The following EPM2A variants were observed in gnomAD, a reference collection of about 807,000 sequenced individuals.
EPM2A encodes laforin.
EPM2A carries 21 observed loss-of-function variants against 26.5 expected under a neutral mutation model. The ratio of observed to expected loss-of-function variants is 0.79; its 90% CI spans 0.56 to 1.14. The LOEUF is 1.14. Ranked by LOEUF, EPM2A falls within the 50% of genes most tolerant of loss-of-function variation. The pLI, the probability that EPM2A is intolerant of heterozygous loss-of-function variation, is 0.00. For synonymous variants in EPM2A, 217 were observed against 177.6 expected (o/e 1.22, Z -1.76); for missense variants, 458 against 440.8 (o/e 1.04, Z -0.35).
chr6:145,491,056 G>T, intron 4 of EPM2A: 1 of 807,048 alleles, frequency 1.2e-6, no homozygotes, highest in Non-Finnish European at 2.1e-6. Context: ...TCTGCAGATG[G>T]CAATGATTCT....
chr6:145,510,423 T>A (rs182386087), intron 2 of EPM2A, among the ~76,000 whole-genome samples: 329 of 152,092 alleles, frequency 2.2e-3, no homozygotes, highest in Middle Eastern at 6.8e-3. Flanking sequence ...CAAATAGAAA[T>A]CAATACCAGT....
At chr6:145,686,505 C>T (rs959070787) in intron 1 of EPM2A, among the ~76,000 whole-genome samples, 3 of 152,100 alleles carry the variant, frequency 2.0e-5, no homozygotes, top group African/African-American at 7.2e-5. Context: ...GAGTTTTTTA[C>T]TCCCTTTGAG....
At chr6:145,444,448 A>C (rs1399546012) in intron 4 of EPM2A, among the ~76,000 whole-genome samples, 1 of 152,208 alleles carries the variant, frequency 6.6e-6, no homozygotes, top group Non-Finnish European at 1.5e-5. Flanking sequence ...GATAAAGCCT[A>C]CTTGACCATG....
intron 4 of EPM2A, among the ~76,000 whole-genome samples, chr6:145,430,494 G>A (rs1460411244): frequency 2.6e-5 from 4 of 151,724 alleles, no homozygotes; most frequent in East Asian, 3.9e-4. Flanking sequence ...CCAGCTACTC[G>A]GGAGGCTGAA....
At chr6:145,387,154 A>G (rs373755890) in intron 4 of EPM2A, among the ~76,000 whole-genome samples, 31 of 152,304 alleles carry the variant, frequency 2.0e-4, no homozygotes, top group African/African-American at 7.2e-4. Context: ...TGAGAAACAG[A>G]CAATTGTCCC....
intron 3 of EPM2A, chr6:145,502,397 G>T (rs895313994): frequency 1.1e-5 from 4 of 368,608 alleles, no homozygotes; most frequent in African/African-American, 4.3e-5. Context: ...AAGTCATCTC[G>T]AAGTGAGCCA....
At chr6:145,502,050 GC>G (rs1042453482) in intron 3 of EPM2A, among the ~76,000 whole-genome samples, 3 of 152,222 alleles carry the variant, frequency 2.0e-5, no homozygotes, top group African/African-American at 7.2e-5. Context: ...GTGAAAAGGA[GC>G]TTTTATTATC....
At chr6:145,587,355 T>C (rs899740299) in intron 2 of EPM2A, among the ~76,000 whole-genome samples, 1 of 152,216 alleles carries the variant, frequency 6.6e-6, no homozygotes, top group African/African-American at 2.4e-5. Flanking sequence ...TCAGAATATA[T>C]GAATTACTAA....
At chr6:145,464,133 T>A (rs1364432075) in intron 4 of EPM2A, among the ~76,000 whole-genome samples, 1 of 152,030 alleles carries the variant, frequency 6.6e-6, no homozygotes, top group East Asian at 1.9e-4. Context: ...GGTAATTGAA[T>A]TATGGGAGCA....
intron 1 of EPM2A, among the ~76,000 whole-genome samples, chr6:145,708,089 G>C (rs1263569798): frequency 6.6e-6 from 1 of 152,216 alleles, no homozygotes; most frequent in African/African-American, 2.4e-5. Context: ...TTTGGGCCCT[G>C]CCCTAGAGAT....
chr6:145,398,846 TGA>T, intron 4 of EPM2A, among the ~76,000 whole-genome samples: 1 of 134,270 alleles, frequency 7.4e-6, no homozygotes, highest in Middle Eastern at 3.7e-3. Flanking sequence ...GGTGACAGAG[TGA>T]GACTCTGTCT....
intron 2 of EPM2A, chr6:145,636,850 G>A (rs1311985924): frequency 6.6e-6 from 1 of 151,192 alleles, no homozygotes; most frequent in Non-Finnish European, 1.5e-5. Flanking sequence ...CTTGAACCCA[G>A]GAGACAGAGG....
chr6:145,515,232 A>T (rs1419191209), intron 2 of EPM2A, among the ~76,000 whole-genome samples: 3 of 152,192 alleles, frequency 2.0e-5, no homozygotes, highest in African/African-American at 7.2e-5. Flanking sequence ...CTAGAACTGA[A>T]ATATGGTTTT....
At chr6:145,732,122 A>T (rs1411065146) in intron 1 of EPM2A, among the ~76,000 whole-genome samples, 1 of 151,812 alleles carries the variant, frequency 6.6e-6, no homozygotes, top group Non-Finnish European at 1.5e-5. Flanking sequence ...AAGAAAGAGG[A>T]AGATATACCA....
rs1380947901 is a variant in EPM2A at position 145,625,898 on chromosome 6, T to C, written c.*1518A>G. 4.8e-6 allele frequency: 7 copies of C among 1,461,638 alleles called. No homozygotes were observed. Among genetic ancestry groups the C allele is most frequent in the Non-Finnish European group, 6.3e-6 (7 of 1,106,456 alleles). The allele number at this position is 1,461,638 out of a possible 1,614,324, so 90.5% of individuals were successfully genotyped here. ...AGAAAGGAAGGTGCAGAAAAATAAA[T>C]ACGCATCATAGTTTAATTAGGAAAG... On this transcript the variant is annotated 3_prime_UTR_variant, in exon 4 of 4. Transcript: ENST00000367519.
chr6:145,729,029 C>G (rs1207110575), intron 1 of EPM2A, among the ~76,000 whole-genome samples: 1 of 152,164 alleles, frequency 6.6e-6, no homozygotes, highest in Non-Finnish European at 1.5e-5. Flanking sequence ...GTCCACTGCT[C>G]CAGAGGGTGC....
chr6:145,469,543 G>GA (rs939371045), intron 4 of EPM2A, among the ~76,000 whole-genome samples: 1 of 151,700 alleles, frequency 6.6e-6, no homozygotes, highest in Non-Finnish European at 1.5e-5. Context: ...GCAAAGATGT[G>GA]AAAAAAAGGG....
intron 2 of EPM2A, chr6:145,636,754 C>G (rs117280818): frequency 1.3e-5 from 2 of 151,696 alleles, no homozygotes; most frequent in Non-Finnish European, 2.9e-5. Context: ...GAAACCTCGT[C>G]TCTAGTAAAA....
intron 4 of EPM2A, among the ~76,000 whole-genome samples, chr6:145,398,557 A>G (rs1440980803): frequency 6.6e-6 from 1 of 152,160 alleles, no homozygotes; most frequent in Non-Finnish European, 1.5e-5. Context: ...AAATCCATTA[A>G]CAATAAACAT....
Sources: gnomAD v4.1 joint callset for allele counts (sites outside exome capture counted in the v4.1 genomes callset) on GRCh38, gnomAD v4.1.1 for gene constraint, MANE v1.5 for transcripts, NCBI Gene and HGNC (gene_info 2026-07-23, HGNC 2026-07-21) for gene names.